The following CDKAL1 variants were observed in gnomAD, a reference collection of about 807,000 sequenced individuals.
The protein encoded by CDKAL1 is threonylcarbamoyladenosine tRNA methylthiotransferase.
In CDKAL1, 32 loss-of-function variants were observed where a neutral mutation model predicts 68.2. The ratio of observed to expected loss-of-function variants is 0.47; its 90% CI spans 0.35 to 0.63. CDKAL1 has a LOEUF of 0.63. Ranked by LOEUF, CDKAL1 falls within the 30% of genes least tolerant of loss-of-function variation. The pLI is 0.00. For synonymous variants in CDKAL1, 234 were observed against 244.3 expected, an observed-to-expected ratio of 0.96 and a Z score of 0.39; for missense variants, 606 against 696.7, an observed-to-expected ratio of 0.87 and a Z score of 1.47.
chr6:20,606,544 A>G (rs1037107938), intron 4 of CDKAL1, among the ~76,000 whole-genome samples: 1 of 152,232 alleles, frequency 6.6e-6, no homozygotes, highest in African/African-American at 2.4e-5. Context: ...TTTTAAATAA[A>G]TACAGGGTGA....
At chr6:20,583,420 T>TATTG (rs1765216088) in intron 4 of CDKAL1, among the ~76,000 whole-genome samples, 1 of 152,220 alleles carries the variant, frequency 6.6e-6, no homozygotes. Context: ...TTTCAGTACA[T>TATTG]ATTGATGTAT....
At chr6:21,176,583 C>G (rs549657700) in intron 13 of CDKAL1, among the ~76,000 whole-genome samples, 1 of 151,902 alleles carries the variant, frequency 6.6e-6, no homozygotes, top group African/African-American at 2.4e-5. Flanking sequence ...GGATAGTACA[C>G]GTGTGCTAGA....
chr6:21,165,223 T>C (rs1011509402), intron 13 of CDKAL1, among the ~76,000 whole-genome samples: 2 of 152,260 alleles, frequency 1.3e-5, no homozygotes, highest in Admixed American at 6.5e-5. Flanking sequence ...ATGACTATGC[T>C]GTTCTAAGAA....
intron 9 of CDKAL1, among the ~76,000 whole-genome samples, chr6:20,894,074 C>T (rs1472415522): frequency 6.6e-6 from 1 of 152,124 alleles, no homozygotes; most frequent in Non-Finnish European, 1.5e-5. Context: ...TAATCAAAGA[C>T]AGAATGAAAT....
intron 9 of CDKAL1, among the ~76,000 whole-genome samples, chr6:20,846,843 C>T (rs1778393404): frequency 6.6e-6 from 1 of 152,134 alleles, no homozygotes; most frequent in Non-Finnish European, 1.5e-5. Flanking sequence ...CTGCTCAAAC[C>T]ATAAACTTCC....
intron 12 of CDKAL1, 103 bp from the exon 13 acceptor site, chr6:21,108,298 A>C (rs1773949815): frequency 1.6e-6 from 1 of 624,770 alleles, no homozygotes; most frequent in East Asian, 3.5e-5. Context: ...AAAAAAAAAA[A>C]CTTTATGTAT....
chr6:20,692,392 C>G (rs1770909989), intron 5 of CDKAL1, among the ~76,000 whole-genome samples: 1 of 152,222 alleles, frequency 6.6e-6, no homozygotes, highest in Non-Finnish European at 1.5e-5. Flanking sequence ...CTTGTGAATT[C>G]TGCCTACTAC....
intron 10 of CDKAL1, among the ~76,000 whole-genome samples, chr6:20,989,877 C>T (rs927789314): frequency 6.6e-6 from 1 of 151,918 alleles, no homozygotes; most frequent in Non-Finnish European, 1.5e-5. Context: ...TACATGTAAC[C>T]ACCACCACCA....
chr6:20,914,654 G>C (rs1217261879), intron 9 of CDKAL1, among the ~76,000 whole-genome samples: 1 of 152,078 alleles, frequency 6.6e-6, no homozygotes, highest in Non-Finnish European at 1.5e-5. Flanking sequence ...ACACTACTTG[G>C]ATATTTCTGT....
At chr6:20,839,729 A>G (rs998832672) in intron 8 of CDKAL1, among the ~76,000 whole-genome samples, 11 of 152,090 alleles carry the variant, frequency 7.2e-5, no homozygotes, top group African/African-American at 2.7e-4. Context: ...CAAGATCTGC[A>G]TTATTGCTCT....
At chr6:20,594,297 TTG>T (rs1765722448) in intron 4 of CDKAL1, among the ~76,000 whole-genome samples, 1 of 152,212 alleles carries the variant, frequency 6.6e-6, no homozygotes, top group Non-Finnish European at 1.5e-5. Flanking sequence ...CCCACTATTA[TTG>T]TGTGAGAGTG....
chr6:21,013,605 C>A (rs1768140070), intron 11 of CDKAL1, among the ~76,000 whole-genome samples: 1 of 152,218 alleles, frequency 6.6e-6, no homozygotes, highest in African/African-American at 2.4e-5. Flanking sequence ...ATTCAACATT[C>A]TGAATTTTTT....
intron 5 of CDKAL1, among the ~76,000 whole-genome samples, chr6:20,694,392 G>C (rs1771022398): frequency 6.6e-6 from 1 of 151,872 alleles, no homozygotes; most frequent in Non-Finnish European, 1.5e-5. Flanking sequence ...TGGATCTAGG[G>C]AGACCCCCTT....
At chr6:20,816,003 T>C (rs940139457) in intron 8 of CDKAL1, among the ~76,000 whole-genome samples, 2 of 152,184 alleles carry the variant, frequency 1.3e-5, no homozygotes, top group African/African-American at 4.8e-5. Flanking sequence ...GAGAGAATCC[T>C]TTCTTGCTGC....
At chr6:20,738,540 A>G (rs9368230) in intron 5 of CDKAL1, among the ~76,000 whole-genome samples, 38,688 of 147,414 alleles carry the variant, frequency 0.26, 5,171 homozygotes, top group South Asian at 0.38. Flanking sequence ...CCAGGCTAGA[A>G]TACAGTGGCG....
Position 20,695,606 on chromosome 6 carries a change from C to T in CDKAL1, c.372-43913C>T, listed in dbSNP as rs146525458. Among the ~76,000 whole-genome samples the T allele has an allele frequency of 8.9e-4, 136 of 152,260 alleles. 2 individuals carry two copies. The highest frequency in any genetic ancestry group is 3.4e-3 in the Middle Eastern group (1 of 294). On this transcript the variant is annotated intron_variant, in intron 5 of 15. Transcript: ENST00000274695. ...GCACCACTAGTTTCTTCATGCTTGGCATGGATCTGTTCCTGCTACTTCCAT... is the reference window on the plus strand; with the variant it reads ...GCACCACTAGTTTCTTCATGCTTGGTATGGATCTGTTCCTGCTACTTCCAT...
At chr6:20,560,363 T>A (rs959014259) in intron 4 of CDKAL1, among the ~76,000 whole-genome samples, 1 of 152,182 alleles carries the variant, frequency 6.6e-6, no homozygotes, top group African/African-American at 2.4e-5. Context: ...CCGTCTGCAA[T>A]ATGTGTGCTG....
At chr6:21,052,270 C>T (rs1437472330) in intron 11 of CDKAL1, among the ~76,000 whole-genome samples, 1 of 152,148 alleles carries the variant, frequency 6.6e-6, no homozygotes, top group Non-Finnish European at 1.5e-5. Flanking sequence ...TGCTTTCCTT[C>T]TTCAAGTCCT....
intron 4 of CDKAL1, among the ~76,000 whole-genome samples, chr6:20,594,816 A>G (rs1439538062): frequency 3.3e-5 from 5 of 152,152 alleles, no homozygotes; most frequent in Non-Finnish European, 7.3e-5. Flanking sequence ...AGTGGCTGGT[A>G]CTGGTTTTTC....
Sources: allele counts gnomAD v4.1 joint callset (sites outside exome capture counted in the v4.1 genomes callset), GRCh38; gene constraint gnomAD v4.1.1; transcripts MANE v1.5; gene names NCBI Gene and HGNC (gene_info 2026-07-23, HGNC 2026-07-21).